The following SNTG1 variants were observed in gnomAD, a reference collection of about 807,000 sequenced individuals.
SNTG1 encodes the protein syntrophin gamma 1.
A neutral mutation model predicts 74.7 loss-of-function variants in SNTG1; 39 were observed. That is an observed-to-expected ratio of 0.52 (90% CI 0.40 to 0.68). SNTG1 has a LOEUF of 0.68. SNTG1 is among the 30% of genes least tolerant of loss of function. The pLI, the probability that SNTG1 is intolerant of heterozygous loss-of-function variation, is 0.00. For missense variants in SNTG1, 685 were observed against 609.5 expected (o/e 1.12, Z -1.30); for synonymous variants, 254 against 217.1 (o/e 1.17, Z -1.49).
chr8:50,061,051 A>T (rs893985122), intron 1 of SNTG1, among the ~76,000 whole-genome samples: 6 of 152,178 alleles, frequency 3.9e-5, no homozygotes, highest in Admixed American at 2.6e-4. Context: ...CTACCTGGGT[A>T]CTGGCCTTAA....
chr8:49,994,010 A>G (rs1450372206), intron 1 of SNTG1, among the ~76,000 whole-genome samples: 2 of 152,088 alleles, frequency 1.3e-5, no homozygotes, highest in African/African-American at 4.8e-5. Flanking sequence ...TTAACCTTCT[A>G]GTCCCTCAGG....
rs997424841 is a variant in SNTG1 at position 50,382,545 on chromosome 8, G to T, written c.-27-11667G>T. Among the ~76,000 whole-genome samples, 14 of 152,172 alleles carry T rather than the reference G, an allele frequency of 9.2e-5. 1 individual carries two copies. Among genetic ancestry groups the T allele is most frequent in the Admixed American group, 8.5e-4 (13 of 15,272 alleles). ...ACTGACCAACTAGGCTTTGGAAAGA[G>T]CAGGAAGTAGGGTAGCTCACGGAAT... On this transcript the variant is annotated intron_variant, in intron 2 of 18. Transcript: ENST00000642720.
chr8:50,348,421 G>T (rs929385064), intron 2 of SNTG1, among the ~76,000 whole-genome samples: 1 of 152,142 alleles, frequency 6.6e-6, no homozygotes, highest in African/African-American at 2.4e-5. Flanking sequence ...AATGACTAAT[G>T]TATGTTATAT....
intron 2 of SNTG1, among the ~76,000 whole-genome samples, chr8:50,374,892 A>C (rs921256028): frequency 1.3e-5 from 2 of 152,208 alleles, no homozygotes; most frequent in Non-Finnish European, 2.9e-5. Flanking sequence ...TTTTCACATA[A>C]ATAAAAATGT....
intron 2 of SNTG1, among the ~76,000 whole-genome samples, chr8:50,387,766 C>T (rs2092597821): frequency 6.6e-6 from 1 of 151,994 alleles, no homozygotes; most frequent in African/African-American, 2.4e-5. Context: ...TGTATCTCAC[C>T]TTTTTTCACC....
intron 2 of SNTG1, among the ~76,000 whole-genome samples, chr8:50,215,138 C>A (rs900358094): frequency 2.6e-5 from 4 of 152,066 alleles, no homozygotes; most frequent in African/African-American, 9.7e-5. Context: ...GGGGCCCTGT[C>A]TCCTAGGGCA....
chr8:50,411,375 G>A (rs1234758620), intron 4 of SNTG1, among the ~76,000 whole-genome samples: 3 of 150,948 alleles, frequency 2.0e-5, no homozygotes, highest in Non-Finnish European at 2.9e-5. Flanking sequence ...ATGAACCTGG[G>A]AGGCAGAGCT....
At chr8:50,303,183 G>T (rs1163515605) in intron 2 of SNTG1, among the ~76,000 whole-genome samples, 1 of 151,942 alleles carries the variant, frequency 6.6e-6, no homozygotes. Flanking sequence ...TTTCACAATG[G>T]ACTCCCTGAT....
intron 18 of SNTG1, among the ~76,000 whole-genome samples, chr8:50,780,620 G>T: frequency 6.6e-6 from 1 of 152,058 alleles, no homozygotes; most frequent in East Asian, 1.9e-4. Context: ...CTTGCTAGTG[G>T]TCTATCAACT....
intron 18 of SNTG1, among the ~76,000 whole-genome samples, chr8:50,757,845 T>C (rs2095585338): frequency 6.6e-6 from 1 of 151,930 alleles, no homozygotes; most frequent in Non-Finnish European, 1.5e-5. Flanking sequence ...TTATATATTG[T>C]TTTACTTTTA....
chr8:50,417,858 T>C (rs1304110627), intron 4 of SNTG1, among the ~76,000 whole-genome samples: 1 of 152,076 alleles, frequency 6.6e-6, no homozygotes, highest in Non-Finnish European at 1.5e-5. Flanking sequence ...TTTCCTCCTA[T>C]CTAAGGTCAC....
At chr8:50,562,311 G>A (rs1251024329) in intron 12 of SNTG1, among the ~76,000 whole-genome samples, 1 of 152,138 alleles carries the variant, frequency 6.6e-6, no homozygotes. Context: ...CTTAAAATGG[G>A]GAAATTAGCC....
intron 1 of SNTG1, among the ~76,000 whole-genome samples, chr8:49,969,404 T>A (rs1258938616): frequency 7.2e-6 from 1 of 139,094 alleles, no homozygotes; most frequent in Non-Finnish European, 1.5e-5. Context: ...TTTTTTTTTT[T>A]TTTTTTTTTT....
At chr8:50,153,916 A>ACT (rs1248962803) in intron 1 of SNTG1, among the ~76,000 whole-genome samples, 1 of 151,816 alleles carries the variant, frequency 6.6e-6, no homozygotes, top group Non-Finnish European at 1.5e-5. Context: ...GAGAACCACT[A>ACT]CTCTCTTTGA....
rs1258519381 is a variant in SNTG1 at position 50,445,870 on chromosome 8, TAA to T, written c.220-3796_220-3795del. 3.9e-5 allele frequency among the ~76,000 whole-genome samples: 6 copies of T among 152,278 alleles called. No homozygotes were observed. The South Asian group carries it at 1.2e-3, about 32-fold the overall frequency. On this transcript the variant is annotated intron_variant, in intron 5 of 18. Transcript: ENST00000642720. The stretch of plus-strand genomic sequence containing the variant: ...GACTTTGATCAAATTGTTACCAGAA[TAA>T]ATGTAAATCACAGGCATGATCCAGT...
intron 9 of SNTG1, among the ~76,000 whole-genome samples, chr8:50,503,225 A>G (rs573135997): frequency 5.9e-5 from 9 of 152,314 alleles, no homozygotes; most frequent in Admixed American, 1.3e-4. Context: ...TTAATACTAA[A>G]CAAGAATATG....
chr8:50,040,106 TA>T (rs1174580096), intron 1 of SNTG1, among the ~76,000 whole-genome samples: 1 of 152,132 alleles, frequency 6.6e-6, no homozygotes, highest in Non-Finnish European at 1.5e-5. Flanking sequence ...ACAGGCAAGC[TA>T]AGAGCAGGAG....
chr8:50,698,884 C>T (rs1489594365), intron 15 of SNTG1, among the ~76,000 whole-genome samples: 2 of 152,032 alleles, frequency 1.3e-5, no homozygotes, highest in East Asian at 3.9e-4. Flanking sequence ...ACTCACTCAC[C>T]CTCTCCCATA....
chr8:50,679,829 A>G (rs1233987997), intron 15 of SNTG1, among the ~76,000 whole-genome samples: 3 of 152,096 alleles, frequency 2.0e-5, no homozygotes, highest in Admixed American at 6.6e-5. Flanking sequence ...ACTTTTGAAG[A>G]TTGCTTTTCT....
Sources: gnomAD v4.1 joint callset for allele counts (sites outside exome capture counted in the v4.1 genomes callset) on GRCh38, gnomAD v4.1.1 for gene constraint, MANE v1.5 for transcripts, NCBI Gene and HGNC (gene_info 2026-07-23, HGNC 2026-07-21) for gene names.